The following CLMN variants were observed in gnomAD, a reference collection of about 807,000 sequenced individuals.
CLMN encodes the protein calmin (calponin-like, transmembrane).
CLMN carries 57 observed loss-of-function variants against 92.7 expected under a neutral mutation model. The ratio of observed to expected loss-of-function variants is 0.61; its 90% CI spans 0.50 to 0.77. CLMN has a LOEUF of 0.77. Ranked by LOEUF, CLMN falls within the 30% of genes least tolerant of loss-of-function variation. CLMN has a pLI of 0.00. For synonymous variants in CLMN, 466 were observed against 470.6 expected (o/e 0.99, Z 0.13); for missense variants, 1,158 against 1,237.5 (o/e 0.94, Z 0.96).
intron 10 of CLMN, 95 bp downstream of exon 10, chr14:95,196,403 A>G (rs1020736067): frequency 1.6e-5 from 20 of 1,240,062 alleles, no homozygotes; most frequent in Non-Finnish European, 2.2e-5. Flanking sequence ...GTCCAATCCC[A>G]TGCCTGCACC....
chr14:95,194,231 CCT>C lies in CLMN; in HGVS notation c.2769+303_2769+304del. 7.2e-7 allele frequency: 1 copy of C among 1,392,392 alleles called. No homozygotes were observed. The allele number at this position is 1,392,392 out of a possible 1,614,324, so 86.3% of individuals were successfully genotyped here. A position where few individuals can be genotyped will look rare whatever the true frequency, so the allele number is the denominator to read the frequency against. On this transcript the variant is annotated intron_variant, in intron 11 of 12. Transcript: ENST00000298912. This position sits in a 1 kb window ranked among gnomAD's most constrained non-coding sequence, Gnocchi z 4.0. ...CCATCGGACCTTGACTCATGTTGCACCTCTGTCTCTGAACGTGATCCTTCTGG... is the reference window on the plus strand; with the variant it reads ...CCATCGGACCTTGACTCATGTTGCACCTGTCTCTGAACGTGATCCTTCTGG...
At chr14:95,207,761 C>A (rs1414360736) in intron 8 of CLMN, among the ~76,000 whole-genome samples, 1 of 152,152 alleles carries the variant, frequency 6.6e-6, no homozygotes, top group Non-Finnish European at 1.5e-5. Flanking sequence ...TGTAAGGGGT[C>A]CGTATGTGGT....
At chr14:95,298,882 C>T (rs1900921979) in intron 1 of CLMN, among the ~76,000 whole-genome samples, 1 of 152,170 alleles carries the variant, frequency 6.6e-6, no homozygotes, top group South Asian at 2.1e-4. Context: ...TTGTCCGATC[C>T]AGGTTCTCCC....
At chr14:95,225,407 C>A (rs1897679208) in intron 2 of CLMN, among the ~76,000 whole-genome samples, 1 of 152,218 alleles carries the variant, frequency 6.6e-6, no homozygotes, top group Non-Finnish European at 1.5e-5. Flanking sequence ...AGGAATCTGA[C>A]CCTCGTCAGA....
rs536405264 is a variant in CLMN at position 95,309,682 on chromosome 14, C to CT, written c.82+10028_82+10029insA. 4.9e-4 allele frequency among the ~76,000 whole-genome samples: 74 copies of CT among 152,204 alleles called. 2 individuals are homozygous for CT. Among genetic ancestry groups the CT allele is most frequent in the African/African-American group, 1.7e-3 (72 of 41,444 alleles). On this transcript the variant is annotated intron_variant, in intron 1 of 12. Coordinates refer to ENST00000298912, the MANE Select transcript of CLMN (RefSeq NM_024734.4). Reference sequence around the variant, plus strand: ...GTGGTGGCAGCCCTATGACCACAGCCCTGGTCTGTGCACTCTCAGCTAAAG... The same window carrying CT: ...GTGGTGGCAGCCCTATGACCACAGCCTCTGGTCTGTGCACTCTCAGCTAAAG...
intron 1 of CLMN, among the ~76,000 whole-genome samples, chr14:95,274,707 G>A (rs1444724246): frequency 6.6e-6 from 1 of 152,168 alleles, no homozygotes; most frequent in African/African-American, 2.4e-5. Context: ...ACAGCCGGGC[G>A]CGGTGGCTCA....
At chr14:95,315,834 T>C (rs1901743431) in intron 1 of CLMN, among the ~76,000 whole-genome samples, 1 of 152,238 alleles carries the variant, frequency 6.6e-6, no homozygotes, top group Non-Finnish European at 1.5e-5. Context: ...AGTTTCACGC[T>C]CCTGAAAGGC....
At position 95,189,276 on chromosome 14, in the gene CLMN, G is replaced by C. The variant is rs778253176; in HGVS notation, c.*2288C>G. On this transcript the variant is annotated 3_prime_UTR_variant, in exon 13 of 13. Coordinates refer to ENST00000298912, the MANE Select transcript of CLMN (RefSeq NM_024734.4). ...GTTATGTAGAAATGCAAACATAAGA[G>C]AGTTGAAAGTGGTTACTTCTAAGCA... 20 of 152,216 alleles carry C rather than the reference G, an allele frequency of 1.3e-4. No homozygotes were observed. The highest frequency in any genetic ancestry group is 2.1e-4 in the Non-Finnish European group (14 of 68,034). 9.4% of individuals were successfully genotyped at this position (152,216 alleles called of 1,614,324 possible).
At chr14:95,316,553 GT>G (rs1040034627) in intron 1 of CLMN, among the ~76,000 whole-genome samples, 2 of 152,220 alleles carry the variant, frequency 1.3e-5, no homozygotes. Context: ...TCATTCCAAT[GT>G]TTTTTGGGGG....
chr14:95,255,915 A>G (rs947691223), intron 1 of CLMN, among the ~76,000 whole-genome samples: 1 of 152,172 alleles, frequency 6.6e-6, no homozygotes, highest in African/African-American at 2.4e-5. Context: ...TTAGGAGCAC[A>G]TGTACCATGT....
intron 9 of CLMN, among the ~76,000 whole-genome samples, chr14:95,197,662 G>A (rs1017566384): frequency 6.6e-6 from 1 of 152,176 alleles, no homozygotes; most frequent in Admixed American, 6.5e-5. Flanking sequence ...TGGTAATGAA[G>A]ATTCTTTGAC....
At chr14:95,288,610 G>A (rs969416453) in intron 1 of CLMN, among the ~76,000 whole-genome samples, 1 of 152,180 alleles carries the variant, frequency 6.6e-6, no homozygotes, top group African/African-American at 2.4e-5. Flanking sequence ...TGCATTGCTG[G>A]CTGGCAGGCT....
In CLMN at chr14:95,303,623, T is replaced by C. The variant is rs542828424; in HGVS notation, c.82+16088A>G. ...GGTGTGACCAATGCCTCCTCTGCAA[T>C]GCCCCCGATTTCTCCTGGTAACCAG... On this transcript the variant is annotated intron_variant, in intron 1 of 12. Coordinates refer to ENST00000298912, the MANE Select transcript of CLMN (RefSeq NM_024734.4). Among the ~76,000 whole-genome samples the C allele has an allele frequency of 8.3e-4, 127 of 152,342 alleles. 1 individual carries two copies. The South Asian group carries it at 0.012, about 14-fold the overall frequency.
intron 3 of CLMN, chr14:95,222,710 C>G: frequency 2.4e-6 from 1 of 421,410 alleles, no homozygotes; most frequent in Non-Finnish European, 4.7e-6. Flanking sequence ...TCTAAGAAAC[C>G]AAATACTGTT....
intron 1 of CLMN, among the ~76,000 whole-genome samples, chr14:95,286,753 T>C (rs1318983752): frequency 6.6e-6 from 1 of 152,190 alleles, no homozygotes; most frequent in East Asian, 1.9e-4. Context: ...GGGACTGCCC[T>C]TCCATGAGGC....
chr14:95,290,500 G>A (rs1372550263), intron 1 of CLMN, among the ~76,000 whole-genome samples: 1 of 152,228 alleles, frequency 6.6e-6, no homozygotes, highest in Non-Finnish European at 1.5e-5. Flanking sequence ...TGGAAACAGA[G>A]TCAGAGAGAG....
intron 1 of CLMN, among the ~76,000 whole-genome samples, chr14:95,303,599 G>A (rs1446181767): frequency 6.6e-6 from 1 of 152,220 alleles, no homozygotes; most frequent in Non-Finnish European, 1.5e-5. Context: ...TAGCCATTAG[G>A]TGTGACCAAT....
At chr14:95,215,587 T>G (rs993680933) in intron 5 of CLMN, 54 bp downstream of exon 5, 42 of 1,496,148 alleles carry the variant, frequency 2.8e-5, no homozygotes, top group Non-Finnish European at 3.8e-5. Flanking sequence ...CTTCTGTGGC[T>G]GCTCAGCAGA....
At position 95,259,155 on chromosome 14, in the gene CLMN, G is replaced by C. The variant is rs1899150263; in HGVS notation, c.83-29022C>G. Among the ~76,000 whole-genome samples the C allele has an allele frequency of 1.3e-5, 2 of 152,142 alleles. No individual in the cohort carries two copies. The highest frequency in any genetic ancestry group is 4.8e-5 in the African/African-American group (2 of 41,476). On this transcript the variant is annotated intron_variant, in intron 1 of 12. Coordinates refer to ENST00000298912, the MANE Select transcript of CLMN (RefSeq NM_024734.4). This position sits in a 1 kb window ranked among gnomAD's most constrained non-coding sequence, Gnocchi z 4.3. ...AAGTGGGGTGTGCACTCAGGGAGTT[G>C]GTGCTGCATGGCAGGCTGGAGCGGA...
Sources: gnomAD v4.1 joint callset for allele counts (sites outside exome capture counted in the v4.1 genomes callset) on GRCh38, gnomAD v4.1.1 for gene constraint, Gnocchi (gnomAD v3.1) non-coding constraint, MANE v1.5 for transcripts, NCBI Gene and HGNC (gene_info 2026-07-23, HGNC 2026-07-21) for gene names.